Variants in RXRG observed in about 807,000 individuals in gnomAD.
The protein encoded by RXRG is retinoid X receptor gamma.
Under a neutral mutation model 49.2 loss-of-function variants are expected in RXRG, and 19 were observed. The observed-to-expected ratio is 0.39, with a 90% CI of 0.27 to 0.57. RXRG has a LOEUF of 0.57. RXRG is among the 20% of genes least tolerant of loss of function. RXRG has a pLI of 0.64. For synonymous variants in RXRG, 224 were observed against 216.6 expected (o/e 1.03, Z -0.30); for missense variants, 452 against 592.5 (o/e 0.76, Z 2.46).
chr1:165,436,205 A>G (rs958498984), intron 1 of RXRG, among the ~76,000 whole-genome samples: 6 of 152,302 alleles, frequency 3.9e-5, no homozygotes, highest in African/African-American at 1.2e-4. Flanking sequence ...GAAAGGAGGT[A>G]TGGCTTGCCC....
intron 9 of RXRG, among the ~76,000 whole-genome samples, chr1:165,403,563 T>C (rs74121133): frequency 0.043 from 6,476 of 152,304 alleles, 166 homozygotes; most frequent in East Asian, 0.071. Flanking sequence ...ATGCCAATGC[T>C]ACACATTACT....
At chr1:165,424,516 G>T (rs3753896) in intron 2 of RXRG, among the ~76,000 whole-genome samples, 79,316 of 152,086 alleles carry the variant, frequency 0.52, 22,466 homozygotes, top group Middle Eastern at 0.65. Flanking sequence ...GTAACCCCAC[G>T]ATAAAGAAAA....
chr1:165,402,438 T>C (rs532089897), intron 9 of RXRG, among the ~76,000 whole-genome samples: 1 of 99,234 alleles, frequency 1.0e-5, no homozygotes, highest in South Asian at 2.9e-4. Context: ...ACCCTTAAAT[T>C]AGGAAAAGAG....
chr1:165,415,876 G>C (rs1028511553), intron 4 of RXRG, among the ~76,000 whole-genome samples: 4 of 152,172 alleles, frequency 2.6e-5, no homozygotes, highest in Non-Finnish European at 5.9e-5. Context: ...GGGCTGATCT[G>C]AAAGTCAGAG....
At chr1:165,408,364 GGCCAAGA>G in intron 7 of RXRG, 46 bp from the exon 8 acceptor site, 2 of 1,394,750 alleles carry the variant, frequency 1.4e-6, no homozygotes, top group Non-Finnish European at 1.0e-6. Context: ...GTAAGTAACA[GGCCAAGA>G]GCCAATAAAA....
intron 2 of RXRG, among the ~76,000 whole-genome samples, chr1:165,425,990 G>A (rs745934006): frequency 1.3e-4 from 20 of 152,258 alleles, no homozygotes; most frequent in Non-Finnish European, 2.6e-4. Flanking sequence ...AGGGCTGCAA[G>A]CCAGGGGACA....
chr1:165,414,552 A>T (rs1223491196), intron 4 of RXRG, among the ~76,000 whole-genome samples: 1 of 152,200 alleles, frequency 6.6e-6, no homozygotes. Flanking sequence ...TCATGTGCTT[A>T]ATGAAAACTG....
chr1:165,415,628 C>T (rs1658099332), intron 4 of RXRG, among the ~76,000 whole-genome samples: 1 of 152,140 alleles, frequency 6.6e-6, no homozygotes, highest in Non-Finnish European at 1.5e-5. Flanking sequence ...AAGACTTCCT[C>T]ACCCGCTACA....
chr1:165,444,869 T>C lies in RXRG; in HGVS notation c.25A>G (p.Met9Val). ...CCTCCATAGCCTGCGGGAAACTTCA[T>C]GAAGTGAGAATAATTTCCATACATG... MYGNYSHFMKFPAGYGGSP... is the reference protein window; with the variant it reads MYGNYSHFVKFPAGYGGSP... The change falls in exon 1 of 10, where the codon ATG becomes GTG. Residue 9 changes from methionine (M) to valine (V), a missense_variant. Met to Val is a conservative substitution (Grantham distance 21, BLOSUM62 1). Transcript: ENST00000359842. 1.2e-6 allele frequency: 2 copies of C among 1,614,188 alleles called. No individual in the cohort carries two copies. The highest frequency in any genetic ancestry group is 4.5e-5 in the East Asian group (2 of 44,890).
intron 2 of RXRG, among the ~76,000 whole-genome samples, chr1:165,420,904 G>A (rs996103132): frequency 6.6e-6 from 1 of 152,248 alleles, no homozygotes; most frequent in Non-Finnish European, 1.5e-5. Flanking sequence ...AACGAAGGTG[G>A]TGCAGGATAT....
At chr1:165,410,591 C>A in intron 6 of RXRG, 111 bp downstream of exon 6, 1 of 1,219,940 alleles carries the variant, frequency 8.2e-7, no homozygotes, top group Non-Finnish European at 1.2e-6. Flanking sequence ...ATTTCATCAT[C>A]AGCATGGTAC....
chr1:165,417,142 G>T lies in RXRG; in HGVS notation c.521C>A (p.Thr174Lys), dbSNP rs921567880. 1 of 1,614,188 alleles carries T rather than the reference G, an allele frequency of 6.2e-7. No individual in the cohort carries two copies. The highest frequency in any genetic ancestry group is 1.7e-5 in the Admixed American group (1 of 60,032). The change falls in exon 4 of 10, where the codon ACG becomes AAG. Residue 174 changes from threonine to lysine, a missense_variant. Around this residue, in one of 2 missense-constraint regions of RXRG, gnomAD observed 286 missense variants for 440.9 expected, o/e 0.65. Coordinates refer to ENST00000359842, the MANE Select transcript of RXRG (RefSeq NM_006917.5). ...KRTIRKDLIYTCRDNKDCLID... is the reference protein window; with the variant it reads ...KRTIRKDLIYKCRDNKDCLID... The stretch of plus-strand genomic sequence containing the variant: ...GAGGCAGTCTTTATTATCCCGACAC[G>T]TGTAGATGAGGTCCTTCCTTATCGT...
At chr1:165,433,912 C>A (rs1658752832) in intron 1 of RXRG, among the ~76,000 whole-genome samples, 1 of 152,194 alleles carries the variant, frequency 6.6e-6, no homozygotes, top group Non-Finnish European at 1.5e-5. Context: ...GTGCATAACT[C>A]TACAATGACT....
At chr1:165,404,734 GTTC>G (rs1657691549) in intron 9 of RXRG, among the ~76,000 whole-genome samples, 1 of 152,040 alleles carries the variant, frequency 6.6e-6, no homozygotes, top group East Asian at 1.9e-4. Flanking sequence ...TTTACAATAA[GTTC>G]TTATTACCTG....
chr1:165,409,489 G>GTA (rs1344816745), intron 7 of RXRG, 69 bp downstream of exon 7: 47 of 1,140,230 alleles, frequency 4.1e-5, no homozygotes, highest in Middle Eastern at 2.1e-4. Flanking sequence ...GTACACATGT[G>GTA]TATACACACA....
chr1:165,444,736 C>T (rs1659105656), intron 1 of RXRG, 109 bp downstream of exon 1: 7 of 977,766 alleles, frequency 7.2e-6, no homozygotes, highest in South Asian at 5.4e-5. Flanking sequence ...TGCATATAAA[C>T]ATATATGTTC....
chr1:165,413,784 TGG>T (rs1658032554), intron 4 of RXRG, among the ~76,000 whole-genome samples: 1 of 152,110 alleles, frequency 6.6e-6, no homozygotes, highest in South Asian at 2.1e-4. Context: ...TGGGCTTGTG[TGG>T]GCTAGGCTCT....
At chr1:165,419,061 C>T (rs1658225787) in intron 3 of RXRG, among the ~76,000 whole-genome samples, 1 of 152,038 alleles carries the variant, frequency 6.6e-6, no homozygotes, top group African/African-American at 2.4e-5. Context: ...TTCAAATAAT[C>T]AAATCGGAGA....
intron 9 of RXRG, among the ~76,000 whole-genome samples, chr1:165,402,702 A>G (rs1397891244): frequency 1.3e-5 from 2 of 151,600 alleles, no homozygotes; most frequent in Non-Finnish European, 2.9e-5. Context: ...ACACTTTCAC[A>G]TGAACTCACA....
Sources: gnomAD v4.1 joint callset for allele counts (sites outside exome capture counted in the v4.1 genomes callset) on GRCh38, gnomAD v4.1.1 for gene constraint, gnomAD v4.1.1 regional missense constraint, MANE v1.5 for transcripts, NCBI Gene and HGNC (gene_info 2026-07-23, HGNC 2026-07-21) for gene names.